MARVELD3: variants seen among roughly 807,000 people sequenced by gnomAD.
MARVELD3 encodes the protein MARVEL domain-containing protein 3.
A neutral mutation model predicts 33.5 loss-of-function variants in MARVELD3; 28 were observed. The observed-to-expected ratio is 0.84, with a 90% CI of 0.62 to 1.15. MARVELD3 has a LOEUF of 1.15. Among genes scored for constraint, MARVELD3 ranks in the 50% most tolerant of loss-of-function variants. The pLI is 0.00. For missense variants in MARVELD3, 582 were observed against 547.6 expected, an observed-to-expected ratio of 1.06 and a Z score of -0.63; for synonymous variants, 241 against 230.4, an observed-to-expected ratio of 1.05 and a Z score of -0.42.
chr16:71,640,279 A>AC, downstream of MARVELD3: 1 of 1,300,788 alleles, frequency 7.7e-7, no homozygotes, highest in Admixed American at 2.3e-5. Context: ...AAAAAAAAAA[A>AC]AGTTGACATT....
intron 2 of MARVELD3, among the ~76,000 whole-genome samples, chr16:71,631,787 G>A (rs541007078): frequency 1.3e-5 from 2 of 152,208 alleles, no homozygotes; most frequent in South Asian, 4.1e-4. Flanking sequence ...GTGAGACCCT[G>A]TCTGTAAAAA....
In MARVELD3 at chr16:71,626,754, G is replaced by A. The variant is rs1033751035; in HGVS notation, c.467+58G>A. 29 of 1,326,826 alleles carry A rather than the reference G, an allele frequency of 2.2e-5. No individual in the cohort carries two copies. The highest frequency in any genetic ancestry group is 2.5e-5 in the Non-Finnish European group (26 of 1,026,242). 82.2% of individuals were successfully genotyped at this position (1,326,826 alleles called of 1,614,324 possible). On this transcript the variant is annotated intron_variant, in intron 1 of 2. Transcript: ENST00000268485. This position sits in a 1 kb window ranked among gnomAD's most constrained non-coding sequence, Gnocchi z 5.3. ...CCGGGGACACCTGTGGCCCAGGCCG[G>A]CCCGCGAGGCCCTGGCGTCCCCGGG... is the stretch of plus-strand genomic sequence containing the variant.
chr16:71,635,894 T>G lies in MARVELD3; in HGVS notation c.*1091T>G. 1.0e-6 allele frequency: 1 copy of G among 985,392 alleles called. No homozygotes were observed. Among genetic ancestry groups the G allele is most frequent in the Non-Finnish European group, 1.2e-6 (1 of 829,932 alleles). 61.0% of individuals were successfully genotyped at this position (985,392 alleles called of 1,614,324 possible). ...AGGCTATTCTGCAAGCCCCTTACAG[T>G]GGCCCTGAAAGCTCAATAAGTGTTT... On this transcript the variant is annotated 3_prime_UTR_variant, in exon 3 of 3. Transcript: ENST00000268485.
At position 71,629,246 on chromosome 16, in the gene MARVELD3, G is replaced by A. The variant is rs1003013524; in HGVS notation, c.468-121G>A. 12 of 1,172,482 alleles carry A rather than the reference G, an allele frequency of 1.0e-5. 1 individual carries two copies. The highest frequency in any genetic ancestry group is 9.7e-5 in the South Asian group (5 of 51,780). 72.6% of individuals were successfully genotyped at this position (1,172,482 alleles called of 1,614,324 possible). ...AGAATTCTCTGGAGTTTAAAATACC[G>A]GGACAAATTCTATTTCTGTTCTGCT... On this transcript the variant is annotated intron_variant, in intron 1 of 2. Coordinates refer to ENST00000268485, the MANE Select transcript of MARVELD3 (RefSeq NM_052858.6).
At position 71,630,303 on chromosome 16, in the gene MARVELD3, C is replaced by T. The variant is rs941783486; in HGVS notation, c.595+809C>T. On this transcript the variant is annotated intron_variant, in intron 2 of 2. Coordinates refer to ENST00000268485, the MANE Select transcript of MARVELD3 (RefSeq NM_052858.6). Reference sequence around the variant, plus strand: ...CCTGGGTGACAGAGTAAGACTCCATCTCAAAAATATTAAAAATTTAAAAAA... The same window carrying T: ...CCTGGGTGACAGAGTAAGACTCCATTTCAAAAATATTAAAAATTTAAAAAA... Among the ~76,000 whole-genome samples the T allele has an allele frequency of 5.4e-5, 8 of 148,942 alleles. No homozygotes were observed. The South Asian group carries it at 1.3e-3, about 24-fold the overall frequency.
At chr16:71,639,631 G>A (rs2044603602), downstream of MARVELD3, among the ~76,000 whole-genome samples, 1 of 150,770 alleles carries the variant, frequency 6.6e-6, no homozygotes, top group Non-Finnish European at 1.5e-5. Flanking sequence ...ATTTTTAGTA[G>A]AGATGGGGTT....
chr16:71,626,190 G>A lies in MARVELD3; in HGVS notation c.-40G>A. 2 of 1,433,278 alleles carry A rather than the reference G, an allele frequency of 1.4e-6. No individual in the cohort carries two copies. The highest frequency in any genetic ancestry group is 2.5e-5 in the East Asian group (1 of 39,490). The allele number at this position is 1,433,278 out of a possible 1,614,324, so 88.8% of individuals were successfully genotyped here. On this transcript the variant is annotated 5_prime_UTR_variant, in exon 1 of 3. Coordinates refer to ENST00000268485, the MANE Select transcript of MARVELD3 (RefSeq NM_052858.6). This position sits in a 1 kb window ranked among gnomAD's most constrained non-coding sequence, Gnocchi z 5.3. ...CTGCCCAAGAAACTTGTTGGTTGTT[G>A]CCCTCAGGTCGCTCCCGGGCGGGGA... is the stretch of plus-strand genomic sequence containing the variant.
intron 1 of MARVELD3, chr16:71,629,132 A>G: frequency 4.4e-6 from 2 of 458,044 alleles, no homozygotes; most frequent in Non-Finnish European, 7.4e-6. Context: ...GGGGCAGACA[A>G]ACCATCAGCG....
At position 71,635,342 on chromosome 16, in the gene MARVELD3, A is replaced by G. The variant is rs2044573822; in HGVS notation, c.*539A>G. 1.0e-6 allele frequency: 1 copy of G among 985,488 alleles called. No homozygotes were observed. Among genetic ancestry groups the G allele is most frequent in the Non-Finnish European group, 1.2e-6 (1 of 830,398 alleles). 61.0% of individuals were successfully genotyped at this position (985,488 alleles called of 1,614,324 possible). ...AGACTCCATCTCAAAAAAAAAAAAA[A>G]GCAAAAAAACTGGACCCCAAGAGCC... On this transcript the variant is annotated 3_prime_UTR_variant, in exon 3 of 3. Coordinates refer to ENST00000268485, the MANE Select transcript of MARVELD3 (RefSeq NM_052858.6).
rs1310244697 is a variant in MARVELD3 at position 71,634,508 on chromosome 16, T to C, written c.911T>C (p.Val304Ala). Residue 304 changes from valine (V) to alanine (A), a missense_variant, in exon 3 of 3, where the codon GTG (valine) becomes GCG (alanine). Val to Ala is a moderately conservative substitution (Grantham distance 64, BLOSUM62 0). Coordinates refer to ENST00000268485, the MANE Select transcript of MARVELD3 (RefSeq NM_052858.6). ...RVPWHCPLLL[V>A]TEGLLDMLIA... ...CCGTGGCATTGTCCACTGTTGCTGG[T>C]GACCGAAGGCTTGTTGGACATGCTC... 1.2e-6 allele frequency: 2 copies of C among 1,614,108 alleles called. No homozygotes were observed. The highest frequency in any genetic ancestry group is 2.7e-5 in the African/African-American group (2 of 74,928).
intron 1 of MARVELD3, among the ~76,000 whole-genome samples, chr16:71,627,749 T>C (rs1206642840): frequency 3.6e-5 from 4 of 110,008 alleles, no homozygotes; most frequent in African/African-American, 1.4e-4. Flanking sequence ...CAGGGTGTAC[T>C]GGAAGACTCT....
chr16:71,634,807 T>A lies in MARVELD3; in HGVS notation c.*4T>A. 6.3e-7 allele frequency: 1 copy of A among 1,584,808 alleles called. No individual in the cohort carries two copies. The highest frequency in any genetic ancestry group is 1.2e-5 in the South Asian group (1 of 86,892). ...AGCAGAAATGTTTGAATTTTAAGGG[T>A]TTCTAAAACGCTCTGACAGATGCAA... On this transcript the variant is annotated 3_prime_UTR_variant, in exon 3 of 3. Coordinates refer to ENST00000268485, the MANE Select transcript of MARVELD3 (RefSeq NM_052858.6).
At chr16:71,632,299 G>A (rs376579904) in intron 2 of MARVELD3, among the ~76,000 whole-genome samples, 5 of 152,274 alleles carry the variant, frequency 3.3e-5, no homozygotes, top group African/African-American at 1.2e-4. Context: ...TTGTCAAAAC[G>A]CATCAAGCTG....
rs1005200622 is a variant in MARVELD3, at chr16:71,634,054, C to T, written c.596-139C>T. ...CCCTACTGCCCCCTAGTTTTAATCG[C>T]GCTGCTTTGGCCTCGGGTCTTCCAC... On this transcript the variant is annotated intron_variant, in intron 2 of 2. Transcript: ENST00000268485. The T allele has an allele frequency of 3.9e-5, 53 of 1,359,826 alleles. 1 individual carries two copies. Among genetic ancestry groups the T allele is most frequent in the East Asian group, 4.8e-5 (2 of 41,778 alleles). 84.2% of individuals were successfully genotyped at this position (1,359,826 alleles called of 1,614,324 possible).
chr16:71,641,243 A>G (rs182960094), downstream of MARVELD3: 19 of 554,868 alleles, frequency 3.4e-5, 1 homozygote, highest in Admixed American at 2.0e-4. Flanking sequence ...GCTTGAGGTC[A>G]GCAGATTGAG....
chr16:71,633,292 G>A (rs1461063060), intron 2 of MARVELD3, among the ~76,000 whole-genome samples: 1 of 152,130 alleles, frequency 6.6e-6, no homozygotes, highest in East Asian at 1.9e-4. Flanking sequence ...AGCCTGGGAG[G>A]TCAAGGCTAT....
downstream of MARVELD3, chr16:71,638,964 CCT>C (rs1184573572): frequency 2.0e-5 from 3 of 152,084 alleles, no homozygotes; most frequent in East Asian, 3.9e-4. Context: ...ATTCCTGTCC[CCT>C]GTTGATCACC....
chr16:71,634,869 C>A lies in MARVELD3; in HGVS notation c.*66C>A. 6.6e-7 allele frequency: 1 copy of A among 1,520,430 alleles called. No individual in the cohort carries two copies. Among genetic ancestry groups the A allele is most frequent in the South Asian group, 1.3e-5 (1 of 74,262 alleles). 94.2% of individuals were successfully genotyped at this position (1,520,430 alleles called of 1,614,324 possible). On this transcript the variant is annotated 3_prime_UTR_variant, in exon 3 of 3. Coordinates refer to ENST00000268485, the MANE Select transcript of MARVELD3 (RefSeq NM_052858.6). ...AGGTAGTCTGAGCCACTGCCTTTCCCAAGAATCCCTTGTTGTGGAAGTTTC... is the reference window on the plus strand; with the variant it reads ...AGGTAGTCTGAGCCACTGCCTTTCCAAAGAATCCCTTGTTGTGGAAGTTTC...
At position 71,635,988 on chromosome 16, in the gene MARVELD3, G is replaced by A; in HGVS notation, c.*1185G>A. The A allele has an allele frequency of 4.1e-6, 4 of 985,408 alleles. No homozygotes were observed. The highest frequency in any genetic ancestry group is 4.8e-6 in the Non-Finnish European group (4 of 829,924). The allele number at this position is 985,408 out of a possible 1,614,324, so 61.0% of individuals were successfully genotyped here. On this transcript the variant is annotated 3_prime_UTR_variant, in exon 3 of 3. Coordinates refer to ENST00000268485, the MANE Select transcript of MARVELD3 (RefSeq NM_052858.6). ...ACATCTAGAATTCAGGATTCATCCA[G>A]AATAAAAGGATGTAAAATCTTTCCC...
Sources: gnomAD v4.1 joint callset for allele counts (sites outside exome capture counted in the v4.1 genomes callset) on GRCh38, gnomAD v4.1.1 for gene constraint, Gnocchi (gnomAD v3.1) non-coding constraint, MANE v1.5 for transcripts, NCBI Gene and HGNC (gene_info 2026-07-23, HGNC 2026-07-21) for gene names.